Variants in SCFD2 observed in about 807,000 individuals in gnomAD.
SCFD2 encodes the protein sec1 family domain-containing protein 2.
A neutral mutation model predicts 58.9 loss-of-function variants in SCFD2; 54 were observed. The ratio of observed to expected loss-of-function variants is 0.92; its 90% CI spans 0.74 to 1.15. The LOEUF is 1.15. Ranked by LOEUF, SCFD2 falls within the 50% of genes most tolerant of loss-of-function variation. The pLI is 0.00. For missense variants in SCFD2, 805 were observed against 836.6 expected (o/e 0.96, Z 0.47); for synonymous variants, 321 against 335.9 (o/e 0.96, Z 0.49).
intron 4 of SCFD2, among the ~76,000 whole-genome samples, chr4:53,153,702 A>T (rs1327834090): frequency 2.0e-5 from 3 of 152,120 alleles, no homozygotes; most frequent in Non-Finnish European, 4.4e-5. Context: ...TGCTCTTTCC[A>T]TCTCTACTAC....
chr4:52,901,712 T>G (rs1293825911), intron 7 of SCFD2, among the ~76,000 whole-genome samples: 1 of 152,150 alleles, frequency 6.6e-6, no homozygotes, highest in Non-Finnish European at 1.5e-5. Context: ...TATGTAGCAA[T>G]AGATAAGCAG....
chr4:53,149,605 T>C (rs1175108714), intron 4 of SCFD2, among the ~76,000 whole-genome samples: 1 of 152,172 alleles, frequency 6.6e-6, no homozygotes, highest in East Asian at 1.9e-4. Context: ...CTGCATTTAG[T>C]GACTTGCTTC....
At chr4:53,272,704 G>A (rs1731210883) in intron 4 of SCFD2, among the ~76,000 whole-genome samples, 1 of 151,994 alleles carries the variant, frequency 6.6e-6, no homozygotes, top group Admixed American at 6.5e-5. Context: ...CCTGTTGTGG[G>A]GTGGGGGGAA....
chr4:53,352,336 T>A (rs1560462025), intron 2 of SCFD2, among the ~76,000 whole-genome samples: 1 of 152,214 alleles, frequency 6.6e-6, no homozygotes, highest in Non-Finnish European at 1.5e-5. Flanking sequence ...CATAAACTGA[T>A]TCACTTAACC....
At chr4:52,948,429 C>T (rs951761075) in intron 5 of SCFD2, 13 of 445,174 alleles carry the variant, frequency 2.9e-5, no homozygotes, top group Non-Finnish European at 5.9e-5. Context: ...TGGACAGATT[C>T]TTGAACTCTC....
At position 53,254,805 on chromosome 4, in the gene SCFD2, T is replaced by TTTTTATTTTA. The variant is rs71197009; in HGVS notation, c.1311+19011_1311+19020dup. On this transcript the variant is annotated intron_variant, in intron 4 of 8. Transcript: ENST00000401642. ...GCAAACACTTCATGTTTATTTTATT[T>TTTTTATTTTA]TTTTATTTTATTTTATTTTATTTTA... Among the ~76,000 whole-genome samples the TTTTTATTTTA allele has an allele frequency of 1.7e-3, 235 of 138,982 alleles. 1 individual carries two copies. The highest frequency in any genetic ancestry group is 1.9e-3 in the East Asian group (9 of 4,848). The allele number at this position is 138,982 out of a possible 152,430, so 91.2% of individuals were successfully genotyped here.
chr4:53,073,693 C>A (rs185515994), intron 5 of SCFD2, among the ~76,000 whole-genome samples: 1 of 151,894 alleles, frequency 6.6e-6, no homozygotes, highest in East Asian at 1.9e-4. Flanking sequence ...TGGTTCCAGA[C>A]CACTGCAATA....
intron 7 of SCFD2, among the ~76,000 whole-genome samples, chr4:52,892,135 C>T (rs1718892296): frequency 6.6e-6 from 1 of 152,232 alleles, no homozygotes; most frequent in Admixed American, 6.5e-5. Flanking sequence ...TTTTCCAGTT[C>T]TGCTTCCCAA....
At chr4:53,144,082 A>C (rs1353472441) in intron 5 of SCFD2, among the ~76,000 whole-genome samples, 1 of 152,124 alleles carries the variant, frequency 6.6e-6, no homozygotes, top group Non-Finnish European at 1.5e-5. Context: ...AGCAGAACCT[A>C]CTTTACTGGG....
At chr4:53,234,695 C>T (rs1444015341) in intron 4 of SCFD2, among the ~76,000 whole-genome samples, 1 of 152,116 alleles carries the variant, frequency 6.6e-6, no homozygotes, top group Admixed American at 6.6e-5. Flanking sequence ...AATCTGGCGA[C>T]GTTTAAGAGC....
chr4:53,068,733 A>G lies in SCFD2; in HGVS notation c.1561+76600T>C, dbSNP rs552417519. ...TGAATAACCATACTTTATTTAACCA[A>G]TGTCTCCTAGCTTTGGACATTCAAT... On this transcript the variant is annotated intron_variant, in intron 5 of 8. Coordinates refer to ENST00000401642, the MANE Select transcript of SCFD2 (RefSeq NM_152540.4). 9.9e-5 allele frequency among the ~76,000 whole-genome samples: 15 copies of G among 152,148 alleles called. No homozygotes were observed. In the East Asian group the frequency reaches 2.7e-3, roughly 27 times the overall value.
At chr4:53,122,314 T>C (rs575148469) in intron 5 of SCFD2, among the ~76,000 whole-genome samples, 3 of 151,996 alleles carry the variant, frequency 2.0e-5, no homozygotes, top group East Asian at 1.9e-4. Flanking sequence ...GAGGTGAAGG[T>C]TGCAGTGAGC....
At chr4:52,903,381 T>C (rs569416032) in intron 7 of SCFD2, among the ~76,000 whole-genome samples, 1 of 152,132 alleles carries the variant, frequency 6.6e-6, no homozygotes, top group African/African-American at 2.4e-5. Context: ...AGGGCCTCCT[T>C]TGAGGGTCAC....
chr4:53,008,687 GA>G (rs902004945), intron 5 of SCFD2, among the ~76,000 whole-genome samples: 1 of 151,712 alleles, frequency 6.6e-6, no homozygotes, highest in East Asian at 1.9e-4. Flanking sequence ...GCTTTCTAGA[GA>G]AAAAAAAGCA....
intron 3 of SCFD2, among the ~76,000 whole-genome samples, chr4:53,278,098 G>C (rs985199967): frequency 6.6e-6 from 1 of 152,006 alleles, no homozygotes; most frequent in Non-Finnish European, 1.5e-5. Flanking sequence ...CAGGCGCAGT[G>C]GCTCACGCCT....
chr4:53,111,935 C>A (rs1288794987), intron 5 of SCFD2, among the ~76,000 whole-genome samples: 3 of 151,966 alleles, frequency 2.0e-5, no homozygotes, highest in Non-Finnish European at 4.4e-5. Context: ...AGAATGAGTT[C>A]TTCATTCTCA....
chr4:53,324,539 G>GC (rs1733122457), intron 2 of SCFD2, among the ~76,000 whole-genome samples: 1 of 152,154 alleles, frequency 6.6e-6, no homozygotes, highest in Admixed American at 6.5e-5. Flanking sequence ...GCCAGGCAGG[G>GC]CCACATGGGG....
chr4:53,066,315 G>A (rs1301709872), intron 5 of SCFD2, among the ~76,000 whole-genome samples: 7 of 152,086 alleles, frequency 4.6e-5, no homozygotes. Context: ...ATGTTACTAA[G>A]GCAATGTAAA....
intron 5 of SCFD2, among the ~76,000 whole-genome samples, chr4:52,939,303 G>C (rs17082197): frequency 0.032 from 4,882 of 152,194 alleles, 290 homozygotes; most frequent in African/African-American, 0.11. Flanking sequence ...TAATCTTCTT[G>C]GTATTGGCAA....
Sources: allele counts gnomAD v4.1 joint callset (sites outside exome capture counted in the v4.1 genomes callset), GRCh38; gene constraint gnomAD v4.1.1; transcripts MANE v1.5; gene names NCBI Gene and HGNC (gene_info 2026-07-23, HGNC 2026-07-21).